Variants in STARD9 observed in about 807,000 individuals in gnomAD.
STARD9 encodes stAR-related lipid transfer protein 9.
Under a neutral mutation model 399.8 loss-of-function variants are expected in STARD9, and 346 were observed. That is an observed-to-expected ratio of 0.87 (90% CI 0.79 to 0.95). The LOEUF (loss-of-function observed/expected upper bound fraction) is 0.95, where lower values mean the gene tolerates loss of function less well. STARD9 is among the 40% of genes least tolerant of loss of function. The pLI is 0.00. For synonymous variants in STARD9, 2,203 were observed against 2,143.5 expected, an observed-to-expected ratio of 1.03 and a Z score of -0.77; for missense variants, 5,832 against 5,667.5, an observed-to-expected ratio of 1.03 and a Z score of -0.93.
chr15:42,688,612 G>A lies in STARD9; in HGVS notation c.7034G>A (p.Arg2345Lys). 3 of 1,537,544 alleles carry A rather than the reference G, an allele frequency of 2.0e-6. No homozygotes were observed. Among genetic ancestry groups the A allele is most frequent in the South Asian group, 2.4e-5 (2 of 84,048 alleles). Residue 2345 changes from arginine to lysine, a missense_variant, in exon 23 of 33, where the codon AGG becomes AAG. Transcript: ENST00000290607. ...LPLNSPRWPRRCLHVPVALGI... is the reference protein window; with the variant it reads ...LPLNSPRWPRKCLHVPVALGI... ...TTGAATTCTCCAAGGTGGCCAAGAA[G>A]GTGTCTTCATGTACCTGTTGCTCTA...
intron 3 of STARD9, among the ~76,000 whole-genome samples, chr15:42,594,352 T>C (rs1412366334): frequency 6.6e-6 from 1 of 152,180 alleles, no homozygotes; most frequent in African/African-American, 2.4e-5. Context: ...ATGATAATGC[T>C]CCATAAGTAC....
At chr15:42,665,168 C>T (rs2060070135) in intron 13 of STARD9, 85 bp from the exon 14 acceptor site, 9 of 1,089,768 alleles carry the variant, frequency 8.3e-6, no homozygotes, top group Non-Finnish European at 1.2e-5. Flanking sequence ...AGTAATCTAC[C>T]TCTTCCCAGC....
At chr15:42,642,336 T>G (rs1251959578) in intron 7 of STARD9, among the ~76,000 whole-genome samples, 1 of 152,212 alleles carries the variant, frequency 6.6e-6, no homozygotes, top group African/African-American at 2.4e-5. Flanking sequence ...ATTAAAAAGT[T>G]TATTTATTAG....
Position 42,712,087 on chromosome 15 carries a change from A to T in STARD9, c.13285-4590A>T, listed in dbSNP as rs1595825458. Among the ~76,000 whole-genome samples the T allele has an allele frequency of 3.4e-3, 3 of 870 alleles. 1 individual carries two copies. The Admixed American group carries it at 0.056, about 16-fold the overall frequency. The allele number at this position is 870 out of a possible 152,430, so 0.6% of individuals were successfully genotyped here. On this transcript the variant is annotated intron_variant, in intron 26 of 32. Coordinates refer to ENST00000290607, the MANE Select transcript of STARD9 (RefSeq NM_020759.3). Reference sequence around the variant, plus strand: ...TTTTATATATATATATATATTATATATATATATATAATATATAATATATAA... The same window carrying T: ...TTTTATATATATATATATATTATATTTATATATATAATATATAATATATAA...
chr15:42,659,598 C>T (rs2059954074), intron 9 of STARD9, among the ~76,000 whole-genome samples: 1 of 152,218 alleles, frequency 6.6e-6, no homozygotes, highest in South Asian at 2.1e-4. Context: ...GCGATCTTGG[C>T]TCACTGCAGC....
chr15:42,680,907 T>C (rs993337534), intron 20 of STARD9, among the ~76,000 whole-genome samples: 5 of 152,154 alleles, frequency 3.3e-5, no homozygotes, highest in Non-Finnish European at 5.9e-5. Context: ...GTGGTGTGTG[T>C]ATAAATTATC....
At chr15:42,607,468 G>C (rs894733410) in intron 3 of STARD9, among the ~76,000 whole-genome samples, 1 of 151,782 alleles carries the variant, frequency 6.6e-6, no homozygotes, top group Non-Finnish European at 1.5e-5. Context: ...CTCCCAAAGT[G>C]CTGGGATGAC....
chr15:42,621,949 A>G (rs910053087), intron 3 of STARD9, among the ~76,000 whole-genome samples: 1 of 152,218 alleles, frequency 6.6e-6, no homozygotes, highest in Non-Finnish European at 1.5e-5. Flanking sequence ...ACATTTTCAT[A>G]TATATACACA....
intron 31 of STARD9, 106 bp from the exon 32 acceptor site, chr15:42,718,646 T>A: frequency 6.9e-7 from 1 of 1,449,762 alleles, no homozygotes; most frequent in Non-Finnish European, 9.3e-7. Context: ...TAGGGGTGGC[T>A]TGAAGGCTGG....
rs1037567662 is a variant in STARD9, at chr15:42,687,155, C to T, written c.5577C>T (p.Pro1859=). 2.0e-6 allele frequency: 3 copies of T among 1,537,288 alleles called. No individual in the cohort carries two copies. Among genetic ancestry groups the T allele is most frequent in the Non-Finnish European group, 2.6e-6 (3 of 1,146,900 alleles). Reference sequence around the variant, plus strand: ...TTACTCAGAACAGACATTTTCTCCCCTCTACCAGCACAAAAGTATGTGAAT... The same window carrying T: ...TTACTCAGAACAGACATTTTCTCCCTTCTACCAGCACAAAAGTATGTGAAT... The part of the protein sequence containing the change: ...SSVTQNRHFL[P]STSTKVCEFE... The change falls in exon 23 of 33, where the codon CCC becomes CCT. Residue 1859 remains proline (P), a synonymous_variant. Transcript: ENST00000290607.
intron 4 of STARD9, 81 bp downstream of exon 4, chr15:42,635,053 A>G: frequency 1.5e-6 from 1 of 658,078 alleles, no homozygotes; most frequent in African/African-American, 1.9e-5. Context: ...GAGACAGAAT[A>G]TGATTTCTGT....
chr15:42,661,605 T>G (rs1157619857), intron 10 of STARD9, among the ~76,000 whole-genome samples: 1 of 151,732 alleles, frequency 6.6e-6, no homozygotes, highest in Admixed American at 6.6e-5. Flanking sequence ...ACACCACATC[T>G]GGCTTTCTTT....
At chr15:42,595,017 A>C (rs2058475416) in intron 3 of STARD9, among the ~76,000 whole-genome samples, 1 of 152,192 alleles carries the variant, frequency 6.6e-6, no homozygotes, top group Admixed American at 6.5e-5. Context: ...CTGCTGCCTC[A>C]GAAAGTACGC....
chr15:42,595,924 T>C (rs2058493976), intron 3 of STARD9, among the ~76,000 whole-genome samples: 1 of 152,204 alleles, frequency 6.6e-6, no homozygotes, highest in Non-Finnish European at 1.5e-5. Flanking sequence ...TAATCTAACT[T>C]GTTTTTTCCG....
At position 42,681,420 on chromosome 15, in the gene STARD9, A is replaced by G; in HGVS notation, c.1875-2A>G. 6.5e-7 allele frequency: 1 copy of G among 1,534,786 alleles called. No individual in the cohort carries two copies. The highest frequency in any genetic ancestry group is 8.7e-7 in the Non-Finnish European group (1 of 1,145,942). On this transcript the variant is annotated splice_acceptor_variant, in intron 20 of 32. Transcript: ENST00000290607. LOFTEE classifies it high-confidence loss of function. Reference sequence around the variant, plus strand: ...GGGTAACCTCAGCCGCTTCTGTGACAGGAGAGCGCTTGAAGAGCAATGTGA... The same window carrying G: ...GGGTAACCTCAGCCGCTTCTGTGACGGGAGAGCGCTTGAAGAGCAATGTGA...
At chr15:42,593,870 G>A (rs1025487363) in intron 3 of STARD9, among the ~76,000 whole-genome samples, 16 of 151,356 alleles carry the variant, frequency 1.1e-4, no homozygotes, top group African/African-American at 1.7e-4. Flanking sequence ...GGGTTTCTCC[G>A]TGTTAGCCAG....
chr15:42,637,877 A>G, intron 4 of STARD9, 30 bp from the exon 5 acceptor site: 1 of 1,536,178 alleles, frequency 6.5e-7, no homozygotes, highest in Non-Finnish European at 8.7e-7. Flanking sequence ...TTAAGTAAAC[A>G]ATAATGCTTT....
chr15:42,584,991 A>G (rs2058246929), intron 2 of STARD9, among the ~76,000 whole-genome samples: 1 of 152,246 alleles, frequency 6.6e-6, no homozygotes. Context: ...GATGGGTTGC[A>G]GCCAAAACTA....
Position 42,633,279 on chromosome 15 carries a change from G to A in STARD9, c.235-1577G>A, listed in dbSNP as rs540979802. ...CAAAAATAAACATTTTATACCTAAA[G>A]AAACTGAAGTTTACAAAGTTTAAGT... is the stretch of plus-strand genomic sequence containing the variant. On this transcript the variant is annotated intron_variant, in intron 3 of 32. Coordinates refer to ENST00000290607, the MANE Select transcript of STARD9 (RefSeq NM_020759.3). Among the ~76,000 whole-genome samples, 4 of 151,852 alleles carry A rather than the reference G, an allele frequency of 2.6e-5. No homozygotes were observed. The East Asian group carries it at 7.7e-4, about 29-fold the overall frequency.
Sources: gnomAD v4.1 joint callset for allele counts (sites outside exome capture counted in the v4.1 genomes callset) on GRCh38, gnomAD v4.1.1 for gene constraint, MANE v1.5 for transcripts, NCBI Gene and HGNC (gene_info 2026-07-23, HGNC 2026-07-21) for gene names.